The following FAM193A variants were observed in gnomAD, a reference collection of about 807,000 sequenced individuals.
FAM193A encodes the protein family with sequence similarity 193 member A.
In FAM193A, 22 loss-of-function variants were observed where a neutral mutation model predicts 126.5. The ratio of observed to expected loss-of-function variants is 0.17; its 90% CI spans 0.12 to 0.25. FAM193A has a LOEUF of 0.25. Ranked by LOEUF, FAM193A falls within the 10% of genes least tolerant of loss-of-function variation. The pLI is 1.00. For missense variants in FAM193A, 1,675 were observed against 1,672.8 expected (o/e 1.00, Z -0.02); for synonymous variants, 761 against 646.8 (o/e 1.18, Z -2.68).
chr4:2,701,880 G>C (rs979969165), intron 19 of FAM193A, among the ~76,000 whole-genome samples: 1 of 151,604 alleles, frequency 6.6e-6, no homozygotes, highest in Non-Finnish European at 1.5e-5. Flanking sequence ...GGGTTCAAGC[G>C]ATTCTCCTGC....
chr4:2,721,737 C>T (rs1188299911), intron 20 of FAM193A, among the ~76,000 whole-genome samples: 1 of 152,206 alleles, frequency 6.6e-6, no homozygotes, highest in Non-Finnish European at 1.5e-5. Context: ...GTTTGGCAGA[C>T]TCTAGCAAAA....
intron 5 of FAM193A, 139 bp from the exon 6 acceptor site, chr4:2,639,596 C>A: frequency 3.7e-6 from 2 of 545,058 alleles, no homozygotes; most frequent in African/African-American, 2.3e-5. Context: ...TTCTCATAAG[C>A]TGAACACTCT....
chr4:2,577,425 T>G (rs1473038192), intron 1 of FAM193A, among the ~76,000 whole-genome samples: 1 of 145,848 alleles, frequency 6.9e-6, no homozygotes, highest in Non-Finnish European at 1.5e-5. Flanking sequence ...TTTTTTTGTT[T>G]TTTTTTTTTT....
intron 1 of FAM193A, among the ~76,000 whole-genome samples, chr4:2,554,461 T>C (rs1738138090): frequency 6.6e-6 from 1 of 152,330 alleles, no homozygotes; most frequent in East Asian, 1.9e-4. Flanking sequence ...TTTATGATTT[T>C]AAGTTTTTCA....
intron 13 of FAM193A, among the ~76,000 whole-genome samples, 180 bp from the exon 14 acceptor site, chr4:2,689,326 G>A (rs183600816): frequency 2.0e-5 from 3 of 152,262 alleles, no homozygotes; most frequent in African/African-American, 4.8e-5. Context: ...TTGACCTGTC[G>A]TGTACAGTCT....
intron 12 of FAM193A, among the ~76,000 whole-genome samples, chr4:2,666,041 C>T (rs750765744): frequency 6.6e-6 from 1 of 152,204 alleles, no homozygotes; most frequent in Non-Finnish European, 1.5e-5. Flanking sequence ...AGAATTGTTG[C>T]AAGCAGATAT....
Position 2,655,352 on chromosome 4 carries a change from A to G in FAM193A, c.1312-2451A>G, listed in dbSNP as rs549768403. On this transcript the variant is annotated intron_variant, in intron 7 of 20. Coordinates refer to ENST00000637812, the MANE Select transcript of FAM193A (RefSeq NM_001366318.2). Reference sequence around the variant, plus strand: ...GAGACATTCTTGCGTTCCTGGGATGAAACCCTAGTAGATCATGATATGTCA... The same window carrying G: ...GAGACATTCTTGCGTTCCTGGGATGGAACCCTAGTAGATCATGATATGTCA... 4.5e-4 allele frequency among the ~76,000 whole-genome samples: 68 copies of G among 152,284 alleles called. No individual in the cohort carries two copies. In the South Asian group the frequency reaches 0.011, roughly 24 times the overall value.
chr4:2,718,447 C>T (rs1440578478), intron 20 of FAM193A, among the ~76,000 whole-genome samples: 1 of 151,918 alleles, frequency 6.6e-6, no homozygotes, highest in Non-Finnish European at 1.5e-5. Flanking sequence ...AAAGTTTTGT[C>T]CGGGTGCTGT....
intron 8 of FAM193A, among the ~76,000 whole-genome samples, chr4:2,659,213 C>T (rs1712091656): frequency 6.6e-6 from 1 of 152,212 alleles, no homozygotes; most frequent in South Asian, 2.1e-4. Context: ...CTCCACGTGC[C>T]ACTTTTCATT....
At chr4:2,647,444 T>C (rs1305541571) in intron 7 of FAM193A, among the ~76,000 whole-genome samples, 1 of 151,920 alleles carries the variant, frequency 6.6e-6, no homozygotes, top group Non-Finnish European at 1.5e-5. Context: ...CCACGCCTGG[T>C]CCAGGTAGGA....
intron 1 of FAM193A, among the ~76,000 whole-genome samples, chr4:2,555,710 C>G (rs574409525): frequency 1.3e-5 from 2 of 152,028 alleles, no homozygotes; most frequent in Non-Finnish European, 2.9e-5. Context: ...CTCTGCCTCC[C>G]GGGCTCACGC....
At chr4:2,580,039 C>T (rs1222935752) in intron 1 of FAM193A, among the ~76,000 whole-genome samples, 1 of 152,044 alleles carries the variant, frequency 6.6e-6, no homozygotes, top group Non-Finnish European at 1.5e-5. Context: ...AAATGCCCAT[C>T]AATGATAGAT....
In FAM193A at chr4:2,590,477, A is replaced by AAC. The variant is rs1740480791; in HGVS notation, c.256-5606_256-5605insCA. Among the ~76,000 whole-genome samples the AAC allele has an allele frequency of 3.1e-5, 2 of 64,664 alleles. 1 individual carries two copies. Among genetic ancestry groups the AAC allele is most frequent in the African/African-American group, 3.7e-4 (2 of 5,364 alleles). The allele number at this position is 64,664 out of a possible 152,430, so 42.4% of individuals were successfully genotyped here. A position where few individuals can be genotyped will look rare whatever the true frequency, so the allele number is the denominator to read the frequency against. ...AGACTCCATCTCAAAAAAAAAAAAC[A>AAC]AAAAAAAACAAAAAAAAACAAAAAA... On this transcript the variant is annotated intron_variant, in intron 1 of 20. Coordinates refer to ENST00000637812, the MANE Select transcript of FAM193A (RefSeq NM_001366318.2).
In FAM193A at chr4:2,604,648, C is replaced by T. The variant is rs540453149; in HGVS notation, c.501+8319C>T. Among the ~76,000 whole-genome samples, 9 of 152,040 alleles carry T rather than the reference C, an allele frequency of 5.9e-5. No individual in the cohort carries two copies. In the South Asian group the frequency reaches 1.9e-3, roughly 32 times the overall value. ...TTGTTTAGCTATGGGAGCTCCCTCC[C>T]ATTCTTTTTTTTGCACATCTGCACA... On this transcript the variant is annotated intron_variant, in intron 2 of 20. Transcript: ENST00000637812.
intron 6 of FAM193A, among the ~76,000 whole-genome samples, chr4:2,640,400 T>A (rs775726842): frequency 6.6e-6 from 1 of 152,150 alleles, no homozygotes; most frequent in Non-Finnish European, 1.5e-5. Context: ...AGTGCAGCAG[T>A]CACTCACTGA....
intron 12 of FAM193A, among the ~76,000 whole-genome samples, chr4:2,664,683 C>T (rs1468450249): frequency 1.3e-5 from 2 of 149,926 alleles, no homozygotes; most frequent in East Asian, 2.0e-4. Flanking sequence ...TCTGCCTCAG[C>T]CTCCCAAGTA....
chr4:2,699,883 C>T lies in FAM193A; in HGVS notation c.3711C>T (p.Pro1237=). 1 of 1,614,042 alleles carries T rather than the reference C, an allele frequency of 6.2e-7. No individual in the cohort carries two copies. The highest frequency in any genetic ancestry group is 1.3e-5 in the African/African-American group (1 of 74,984). The part of the protein sequence containing the change: ...KKKERPSKDC[P]KLDMLTRNFQ... ...AGGAGAGGCCAAGTAAAGACTGCCC[C>T]AAGTTGGACATGCTCACTAGAAATT... The change falls in exon 19 of 21, where the codon CCC becomes CCT. Residue 1237 remains proline, a synonymous_variant. Transcript: ENST00000637812.
chr4:2,633,043 A>G (rs1198989452), intron 5 of FAM193A, among the ~76,000 whole-genome samples: 3 of 152,338 alleles, frequency 2.0e-5, no homozygotes, highest in East Asian at 3.9e-4. Context: ...GAAGCTGACA[A>G]AAATTAATTT....
intron 1 of FAM193A, among the ~76,000 whole-genome samples, chr4:2,537,553 C>G (rs1203765924): frequency 6.6e-6 from 1 of 152,226 alleles, no homozygotes; most frequent in African/African-American, 2.4e-5. Flanking sequence ...GGGTGATACC[C>G]GCGAGGCCCG....
Sources: gnomAD v4.1 joint callset for allele counts (sites outside exome capture counted in the v4.1 genomes callset) on GRCh38, gnomAD v4.1.1 for gene constraint, MANE v1.5 for transcripts, NCBI Gene and HGNC (gene_info 2026-07-23, HGNC 2026-07-21) for gene names.